The following SMC1B variants were observed in gnomAD, a reference collection of about 807,000 sequenced individuals.
The protein encoded by SMC1B is structural maintenance of chromosomes 1B, also known as structural maintenance of chromosomes protein 1B.
In SMC1B, 60 loss-of-function variants were observed where a neutral mutation model predicts 157.9. The ratio of observed to expected loss-of-function variants is 0.38; its 90% CI spans 0.31 to 0.47. The LOEUF is 0.47. Among genes scored for constraint, SMC1B ranks in the 20% least tolerant of loss-of-function variants. The pLI, the probability that SMC1B is intolerant of heterozygous loss-of-function variation, is 0.99. For synonymous variants in SMC1B, 445 were observed against 483.0 expected (o/e 0.92, Z 1.03); for missense variants, 1,165 against 1,426.2 (o/e 0.82, Z 2.95).
chr22:45,361,037 C>T (rs1211318934), intron 17 of SMC1B, among the ~76,000 whole-genome samples: 1 of 150,950 alleles, frequency 6.6e-6, no homozygotes. Flanking sequence ...CAATGGCACT[C>T]TAAGTGCGTA....
chr22:45,398,061 G>A (rs1043636985), intron 6 of SMC1B, among the ~76,000 whole-genome samples: 2 of 152,180 alleles, frequency 1.3e-5, no homozygotes, highest in Non-Finnish European at 2.9e-5. Flanking sequence ...CCCCAGAGCT[G>A]AGGGCCAGAG....
Position 45,362,980 on chromosome 22 carries a change from A to G in SMC1B, c.2467T>C (p.Tyr823His). Residue 823 changes from tyrosine (Y) to histidine (H), a missense_variant, in exon 16 of 25, where the codon TAT becomes CAT. By Grantham distance (83) the Tyr-to-His change is moderately conservative (BLOSUM62 2). Transcript: ENST00000357450. Reference protein sequence around the residue: ...QKTRLNVQLEYSRSHLKKKLN... With the variant: ...QKTRLNVQLEHSRSHLKKKLN... ...TTCTTCTTAAGGTGACTGCGACTAT[A>G]CTCAAGTTGAACATTAAGCCGAGTT... 6.3e-7 allele frequency: 1 copy of G among 1,595,848 alleles called. No homozygotes were observed. The highest frequency in any genetic ancestry group is 8.5e-7 in the Non-Finnish European group (1 of 1,173,856).
chr22:45,396,986 T>C lies in SMC1B; in HGVS notation c.1114-500A>G, dbSNP rs192983085. Among the ~76,000 whole-genome samples, 164 of 152,296 alleles carry C rather than the reference T, an allele frequency of 1.1e-3. 1 individual carries two copies. Among genetic ancestry groups the C allele is most frequent in the South Asian group, 8.3e-3 (40 of 4,828 alleles). ...GATTTAATTATAATAAATCACTAGATGGCAAAAACATGTAATCGACAAACA... is the reference window on the plus strand; with the variant it reads ...GATTTAATTATAATAAATCACTAGACGGCAAAAACATGTAATCGACAAACA... On this transcript the variant is annotated intron_variant, in intron 6 of 24. Transcript: ENST00000357450.
intron 5 of SMC1B, among the ~76,000 whole-genome samples, chr22:45,400,426 C>A (rs1344149336): frequency 2.0e-5 from 3 of 152,150 alleles, no homozygotes; most frequent in Non-Finnish European, 4.4e-5. Flanking sequence ...ACAGCAGGAA[C>A]AATCTAAGCA....
Position 45,354,460 on chromosome 22 carries a change from G to A in SMC1B, c.3119-328C>T, listed in dbSNP as rs915499809. Among the ~76,000 whole-genome samples, 15 of 151,982 alleles carry A rather than the reference G, an allele frequency of 9.9e-5. No homozygotes were observed. In the South Asian group the frequency reaches 1.0e-3, roughly 11 times the overall value. ...GGCTGGAGCTCAGTGGCGTGATCTC[G>A]GCTCACTGCAACCTCCACCTCCCAG... On this transcript the variant is annotated intron_variant, in intron 20 of 24. Transcript: ENST00000357450.
intron 11 of SMC1B, among the ~76,000 whole-genome samples, chr22:45,384,783 T>G (rs2086973968): frequency 6.6e-6 from 1 of 152,136 alleles, no homozygotes; most frequent in Non-Finnish European, 1.5e-5. Context: ...TGGTTTTACT[T>G]TTTAAATTAA....
chr22:45,366,543 T>G (rs2086777417), intron 15 of SMC1B, among the ~76,000 whole-genome samples: 1 of 152,182 alleles, frequency 6.6e-6, no homozygotes, highest in African/African-American at 2.4e-5. Flanking sequence ...ATGAATTAAT[T>G]CATCAAAAAG....
At chr22:45,413,341 T>C in intron 1 of SMC1B, 118 bp downstream of exon 1, 1 of 744,008 alleles carries the variant, frequency 1.3e-6, no homozygotes, top group Non-Finnish European at 2.2e-6. Context: ...GCTCCGGGAC[T>C]GGAAGGGGAA....
chr22:45,346,136 T>C (rs201702785), intron 23 of SMC1B, among the ~76,000 whole-genome samples: 5 of 148,646 alleles, frequency 3.4e-5, no homozygotes, highest in Admixed American at 2.7e-4. Context: ...ACCCGGGAGG[T>C]AGAGGTTGCA....
rs561868728 is a variant in SMC1B at position 45,412,194 on chromosome 22, T to G, written c.109+1265A>C. Among the ~76,000 whole-genome samples the G allele has an allele frequency of 4.0e-5, 6 of 149,972 alleles. No individual in the cohort carries two copies. In the Admixed American group the frequency reaches 4.0e-4, roughly 10 times the overall value. On this transcript the variant is annotated intron_variant, in intron 1 of 24. Transcript: ENST00000357450. ...GGCGCCCGGCCAATTTTATTTTATATTTATCTTATTTTATTTTATTTTAGA... is the reference window on the plus strand; with the variant it reads ...GGCGCCCGGCCAATTTTATTTTATAGTTATCTTATTTTATTTTATTTTAGA...
chr22:45,410,513 A>T (rs942328678), intron 1 of SMC1B, among the ~76,000 whole-genome samples: 3 of 151,846 alleles, frequency 2.0e-5, no homozygotes, highest in Non-Finnish European at 4.4e-5. Flanking sequence ...GACCAGCCTG[A>T]CCAACATGGT....
intron 15 of SMC1B, among the ~76,000 whole-genome samples, chr22:45,363,935 G>A (rs1295257148): frequency 3.3e-5 from 5 of 151,354 alleles, no homozygotes; most frequent in South Asian, 2.1e-4. Flanking sequence ...TGCAACCTCC[G>A]CCCCCTGGGT....
At chr22:45,373,788 C>A (rs775449564) in intron 12 of SMC1B, among the ~76,000 whole-genome samples, 1 of 152,122 alleles carries the variant, frequency 6.6e-6, no homozygotes, top group Non-Finnish European at 1.5e-5. Context: ...ATGACTATTG[C>A]AGTTTTCATA....
At chr22:45,405,392 CA>C (rs527788072) in intron 4 of SMC1B, among the ~76,000 whole-genome samples, 5 of 148,570 alleles carry the variant, frequency 3.4e-5, no homozygotes, top group East Asian at 2.0e-4. Flanking sequence ...ACTAAAAATA[CA>C]AAAAAAAAAT....
chr22:45,402,976 T>C (rs2087214255), intron 4 of SMC1B, among the ~76,000 whole-genome samples: 1 of 152,240 alleles, frequency 6.6e-6, no homozygotes, highest in African/African-American at 2.4e-5. Context: ...AAATTCCTAC[T>C]ACAGGAAGTA....
intron 9 of SMC1B, among the ~76,000 whole-genome samples, chr22:45,393,175 T>C (rs2087081806): frequency 6.6e-6 from 1 of 152,218 alleles, no homozygotes. Context: ...CAAGTGATAC[T>C]GTATTTTGGC....
intron 11 of SMC1B, among the ~76,000 whole-genome samples, 174 bp downstream of exon 11, chr22:45,386,693 C>A (rs999869264): frequency 1.3e-5 from 2 of 152,014 alleles, no homozygotes; most frequent in African/African-American, 4.8e-5. Flanking sequence ...CTAAATTCAA[C>A]AGAACATTAT....
intron 1 of SMC1B, 69 bp downstream of exon 1, chr22:45,413,390 A>T (rs2087377347): frequency 1.6e-6 from 2 of 1,276,114 alleles, no homozygotes; most frequent in African/African-American, 3.0e-5. Context: ...CACACCCCAC[A>T]GGCCACGTGT....
At chr22:45,345,653 G>T in intron 23 of SMC1B, 84 bp from the exon 24 acceptor site, 1 of 828,468 alleles carries the variant, frequency 1.2e-6, no homozygotes, top group Non-Finnish European at 2.1e-6. Context: ...ATGTCTCTGA[G>T]TCTGGTCAGT....
Sources: allele counts gnomAD v4.1 joint callset (sites outside exome capture counted in the v4.1 genomes callset), GRCh38; gene constraint gnomAD v4.1.1; transcripts MANE v1.5; gene names NCBI Gene and HGNC (gene_info 2026-07-23, HGNC 2026-07-21).